Variants in CTNND2 observed in about 807,000 individuals in gnomAD.
CTNND2 encodes catenin delta 2.
Under a neutral mutation model 144.4 loss-of-function variants are expected in CTNND2, and 22 were observed. The ratio of observed to expected loss-of-function variants is 0.15; its 90% CI spans 0.11 to 0.22. The LOEUF is 0.22. CTNND2 is among the 10% of genes least tolerant of loss of function. The pLI, the probability that CTNND2 is intolerant of heterozygous loss-of-function variation, is 1.00. For missense variants in CTNND2, 1,353 were observed against 1,618.8 expected (o/e 0.84, Z 2.82); for synonymous variants, 751 against 695.6 (o/e 1.08, Z -1.25).
At chr5:11,301,475 T>G (rs1294096149) in intron 9 of CTNND2, among the ~76,000 whole-genome samples, 1 of 152,154 alleles carries the variant, frequency 6.6e-6, no homozygotes. Context: ...AGGAACTGTA[T>G]CATGTTTTAG....
intron 18 of CTNND2, among the ~76,000 whole-genome samples, chr5:10,999,891 T>C (rs77304727): frequency 0.02 from 2,976 of 152,286 alleles, 42 homozygotes; most frequent in Middle Eastern, 0.061. Context: ...ACTTTATTAT[T>C]CCCCAAAGCT....
intron 17 of CTNND2, among the ~76,000 whole-genome samples, chr5:11,022,374 G>A (rs1297787236): frequency 6.6e-6 from 1 of 152,156 alleles, no homozygotes; most frequent in African/African-American, 2.4e-5. Flanking sequence ...CTTCCTGCAT[G>A]GTGACTTGCT....
At chr5:11,211,370 T>C (rs529459903) in intron 10 of CTNND2, among the ~76,000 whole-genome samples, 1 of 152,270 alleles carries the variant, frequency 6.6e-6, no homozygotes, top group South Asian at 2.1e-4. Context: ...AAAGACCATG[T>C]GCCATGTGAG....
chr5:11,670,795 T>C (rs1462384541), intron 2 of CTNND2, among the ~76,000 whole-genome samples: 4 of 152,218 alleles, frequency 2.6e-5, no homozygotes, highest in African/African-American at 9.6e-5. Context: ...AATATTGTTA[T>C]GTATGAATTT....
intron 6 of CTNND2, among the ~76,000 whole-genome samples, chr5:11,396,286 A>T (rs1222034557): frequency 1.3e-5 from 2 of 152,010 alleles, no homozygotes; most frequent in African/African-American, 4.8e-5. Context: ...TCAAAATTAT[A>T]CTCTGGTGGG....
At chr5:11,483,043 T>C (rs1281244788) in intron 3 of CTNND2, among the ~76,000 whole-genome samples, 3 of 151,922 alleles carry the variant, frequency 2.0e-5, no homozygotes, top group Admixed American at 6.6e-5. Flanking sequence ...TTGGTTTTCA[T>C]TGATAGCCTC....
At chr5:11,545,266 G>A (rs1044626689) in intron 3 of CTNND2, among the ~76,000 whole-genome samples, 2 of 151,946 alleles carry the variant, frequency 1.3e-5, no homozygotes, top group African/African-American at 4.8e-5. Context: ...AGGTTGAAGT[G>A]ACCTGAGATC....
chr5:11,157,384 T>C (rs1418930555), intron 12 of CTNND2, among the ~76,000 whole-genome samples: 1 of 152,166 alleles, frequency 6.6e-6, no homozygotes, highest in Non-Finnish European at 1.5e-5. Flanking sequence ...CACACCTAGC[T>C]GTCAGTCACT....
intron 3 of CTNND2, among the ~76,000 whole-genome samples, chr5:11,549,474 C>G (rs1415203192): frequency 6.6e-6 from 1 of 152,182 alleles, no homozygotes; most frequent in African/African-American, 2.4e-5. Flanking sequence ...AACAGGCAGA[C>G]TCCAGATTTT....
At chr5:11,864,350 G>A (rs1410768279) in intron 1 of CTNND2, among the ~76,000 whole-genome samples, 1 of 152,178 alleles carries the variant, frequency 6.6e-6, no homozygotes, top group Non-Finnish European at 1.5e-5. Flanking sequence ...TAGAAATGTG[G>A]ATGCCACAAT....
At chr5:11,173,340 C>G (rs1219579274) in intron 11 of CTNND2, among the ~76,000 whole-genome samples, 1 of 152,240 alleles carries the variant, frequency 6.6e-6, no homozygotes, top group Non-Finnish European at 1.5e-5. Flanking sequence ...TCCCAATTTT[C>G]CCAAGTTCTG....
At chr5:11,662,263 G>GTATATATATACATATA (rs1380327036) in intron 2 of CTNND2, among the ~76,000 whole-genome samples, 1 of 123,102 alleles carries the variant, frequency 8.1e-6, no homozygotes, top group African/African-American at 3.8e-5. Context: ...GTGTATATAT[G>GTATATATATACATATA]TGTGTGTGTG....
At chr5:11,721,623 C>T (rs1786686655) in intron 2 of CTNND2, among the ~76,000 whole-genome samples, 1 of 152,214 alleles carries the variant, frequency 6.6e-6, no homozygotes, top group Non-Finnish European at 1.5e-5. Flanking sequence ...GGGCTCGGGG[C>T]TCCACTGCTG....
intron 1 of CTNND2, among the ~76,000 whole-genome samples, chr5:11,755,354 C>T (rs903195352): frequency 6.6e-6 from 1 of 151,694 alleles, no homozygotes; most frequent in Non-Finnish European, 1.5e-5. Context: ...CCTGTAACTT[C>T]TCTCTAGATG....
At chr5:11,216,117 T>C (rs1282473019) in intron 10 of CTNND2, among the ~76,000 whole-genome samples, 1 of 152,116 alleles carries the variant, frequency 6.6e-6, no homozygotes, top group Non-Finnish European at 1.5e-5. Flanking sequence ...CAGAGCAGGA[T>C]GTAATGTGGC....
intron 14 of CTNND2, among the ~76,000 whole-genome samples, chr5:11,109,496 A>T (rs1011523035): frequency 2.0e-5 from 3 of 152,096 alleles, no homozygotes; most frequent in Admixed American, 6.5e-5. Context: ...GTCAACATAA[A>T]TTTCTGGACT....
chr5:11,707,723 G>T (rs1299547508), intron 2 of CTNND2, among the ~76,000 whole-genome samples: 1 of 152,062 alleles, frequency 6.6e-6, no homozygotes, highest in African/African-American at 2.4e-5. Context: ...TCTCTCTTAT[G>T]AAAATCACTT....
At chr5:11,354,227 G>GA (rs920201731) in intron 8 of CTNND2, among the ~76,000 whole-genome samples, 2 of 152,140 alleles carry the variant, frequency 1.3e-5, no homozygotes, top group African/African-American at 4.8e-5. Flanking sequence ...ATTAGCTGTG[G>GA]AAAAAATCTT....
At chr5:11,487,166 A>G (rs1050943084) in intron 3 of CTNND2, among the ~76,000 whole-genome samples, 1 of 151,902 alleles carries the variant, frequency 6.6e-6, no homozygotes, top group Non-Finnish European at 1.5e-5. Context: ...AACTAATTAT[A>G]AATAGATCAA....
Sources: gnomAD v4.1 joint callset for allele counts (sites outside exome capture counted in the v4.1 genomes callset) on GRCh38, gnomAD v4.1.1 for gene constraint, MANE v1.5 for transcripts, NCBI Gene and HGNC (gene_info 2026-07-23, HGNC 2026-07-21) for gene names.